The following NXNL1 variants were observed in gnomAD, a reference collection of about 807,000 sequenced individuals.
The protein encoded by NXNL1 is nucleoredoxin like 1, also known as nucleoredoxin-like protein 1.
NXNL1 carries 6 observed loss-of-function variants against 7.2 expected under a neutral mutation model. The observed-to-expected ratio is 0.83, with a 90% confidence interval of 0.46 to 1.64. The LOEUF is 1.64. Among genes scored for constraint, NXNL1 ranks in the 40% most tolerant of loss-of-function variants. The probability of loss-of-function intolerance (pLI) is 0.01; values close to 1 mark genes in which losing one functional copy is unlikely to be tolerated. For synonymous variants in NXNL1, 133 were observed against 127.2 expected (o/e 1.05, Z -0.31); for missense variants, 308 against 285.1 (o/e 1.08, Z -0.58).
At position 17,455,963 on chromosome 19, in the gene NXNL1, C is replaced by T. The variant is rs770348815; in HGVS notation, c.327-4G>A. On this transcript the variant is annotated splice_polypyrimidine_tract_variant and splice_region_variant and intron_variant, in intron 1 of 1. Coordinates refer to ENST00000301944, the MANE Select transcript of NXNL1 (RefSeq NM_138454.2). ...TGAGAACTGGCGCCCGAGGTCCCTG[C>T]GGAGCGGGCAGGTCAGTCTGGACGG... 21 of 1,597,430 alleles carry T rather than the reference C, an allele frequency of 1.3e-5. 1 individual carries two copies. The highest frequency in any genetic ancestry group is 1.6e-4 in the Middle Eastern group (1 of 6,078).
intron 1 of NXNL1, among the ~76,000 whole-genome samples, chr19:17,459,540 CG>C (rs763244344): frequency 3.3e-5 from 5 of 152,014 alleles, no homozygotes; most frequent in Non-Finnish European, 7.4e-5. Context: ...GCCTCAGCCT[CG>C]CAAGTAGCTG....
Position 17,455,667 on chromosome 19 carries a change from C to CCCCCCCCCCCCCCCCCCCCCCCCCCCCGG in NXNL1, c.618_619insCCGGGGGGGGGGGGGGGGGGGGGGGGGGG (p.Gly207ProfsTer67). Reference sequence around the variant, plus strand: ...GCGGGTCAGAACAGCCCCCCGGCCCCGCCCTCCTCCCCACCCCCTCCCCCG... The same window carrying CCCCCCCCCCCCCCCCCCCCCCCCCCCCGG: ...GCGGGTCAGAACAGCCCCCCGGCCCCCCCCCCCCCCCCCCCCCCCCCCCCCCCGGGCCCTCCTCCCCACCCCCTCCCCCG... On this transcript the variant is annotated frameshift_variant, in exon 2 of 2. Coordinates refer to ENST00000301944, the MANE Select transcript of NXNL1 (RefSeq NM_138454.2). LOFTEE classifies it high-confidence loss of function. The CCCCCCCCCCCCCCCCCCCCCCCCCCCCGG allele has an allele frequency of 6.3e-6, 5 of 787,788 alleles. No homozygotes were observed. Among genetic ancestry groups the CCCCCCCCCCCCCCCCCCCCCCCCCCCCGG allele is most frequent in the Non-Finnish European group, 8.4e-6 (4 of 478,544 alleles). 48.8% of individuals were successfully genotyped at this position (787,788 alleles called of 1,614,324 possible).
chr19:17,455,829 G>A lies in NXNL1; in HGVS notation c.457C>T (p.Gln153Ter). 1.9e-6 allele frequency: 3 copies of A among 1,583,858 alleles called. No homozygotes were observed. Among genetic ancestry groups the A allele is most frequent in the Non-Finnish European group, 1.7e-6 (2 of 1,171,092 alleles). ...CGGTCCAGCACCTCGGCCGCCTCCT[G>A]CCAGTTGGCGAAGCAGGCGGTGCCC... The part of the protein sequence containing the change: ...RLGTACFANW[Q>*]EAAEVLDRNF... The change falls in exon 2 of 2, where the codon CAG (glutamine) becomes TAG (stop). Residue 153 changes from glutamine (Q) to a stop codon, truncating the protein, a stop_gained. Transcript: ENST00000301944. LOFTEE classifies it low-confidence loss of function (END_TRUNC).
In NXNL1 at chr19:17,455,899, G is replaced by A. The variant is rs763119735; in HGVS notation, c.387C>T (p.Asp129=). 3 of 1,594,508 alleles carry A rather than the reference G, an allele frequency of 1.9e-6. No individual in the cohort carries two copies. Among genetic ancestry groups the A allele is most frequent in the African/African-American group, 1.3e-5 (1 of 74,966 alleles). Residue 129 remains aspartate, a synonymous_variant, in exon 2 of 2, where the codon GAC becomes GAT. Coordinates refer to ENST00000301944, the MANE Select transcript of NXNL1 (RefSeq NM_138454.2). ...RLPAVVVLKP[D]GDVLTRDGAD... Reference sequence around the variant, plus strand: ...CGCCGTCGCGAGTGAGCACGTCCCCGTCCGGCTTGAGCACCACGACCGCCG... The same window carrying A: ...CGCCGTCGCGAGTGAGCACGTCCCCATCCGGCTTGAGCACCACGACCGCCG...
intron 1 of NXNL1, among the ~76,000 whole-genome samples, chr19:17,458,727 G>A (rs1384877081): frequency 1.3e-5 from 2 of 148,492 alleles, no homozygotes; most frequent in Non-Finnish European, 3.0e-5. Context: ...TCAGCCTCCT[G>A]AGTAGCTGGG....
chr19:17,457,306 A>G (rs2074996882), intron 1 of NXNL1, among the ~76,000 whole-genome samples: 1 of 152,172 alleles, frequency 6.6e-6, no homozygotes, highest in African/African-American at 2.4e-5. Flanking sequence ...TAGTGTAAGT[A>G]TAGCCAAATG....
At chr19:17,460,421 C>A (rs1443077050) in intron 1 of NXNL1, 123 bp downstream of exon 1, 5 of 1,053,376 alleles carry the variant, frequency 4.7e-6, no homozygotes, top group Non-Finnish European at 5.4e-6. Context: ...CCTGTCTGTA[C>A]CCCCTAGTTC....
At chr19:17,456,619 T>C (rs12459085) in intron 1 of NXNL1, among the ~76,000 whole-genome samples, 75,075 of 151,850 alleles carry the variant, frequency 0.49, 19,277 homozygotes, top group Non-Finnish European at 0.57. Context: ...TGGTGGCTCA[T>C]GCCTGTAATC....
In NXNL1 at chr19:17,455,687, C is replaced by A; in HGVS notation, c.599G>T (p.Gly200Val). ...KAARGGRDPG[G>V]GGGEEGGAGG... ...GGCCCCGCCCTCCTCCCCACCCCCT[C>A]CCCCGGGGTCGCGCCCGCCTCGCGC... Residue 200 changes from glycine (G) to valine (V), a missense_variant, in exon 2 of 2, where the codon GGA (glycine) becomes GTA (valine). Transcript: ENST00000301944. The A allele has an allele frequency of 1.1e-5, 16 of 1,517,364 alleles. No individual in the cohort carries two copies. The highest frequency in any genetic ancestry group is 1.4e-5 in the Non-Finnish European group (16 of 1,132,222). The allele number at this position is 1,517,364 out of a possible 1,614,324, so 94.0% of individuals were successfully genotyped here. A position where few individuals can be genotyped will look rare whatever the true frequency, so the allele number is the denominator to read the frequency against.
chr19:17,460,583 T>C lies in NXNL1; in HGVS notation c.287A>G (p.Lys96Arg). 1.9e-6 allele frequency: 3 copies of C among 1,604,876 alleles called. No homozygotes were observed. In the South Asian group the frequency reaches 3.3e-5, roughly 18 times the overall value. The change falls in exon 1 of 2, where the codon AAG becomes AGG. Residue 96 changes from lysine to arginine, a missense_variant. Lys to Arg is a conservative substitution (Grantham distance 26, BLOSUM62 2). Transcript: ENST00000301944. ...QQDLFLKDMP[K>R]KWLFLPFEDD... ...CTCAAAGGGCAGGAAAAGCCATTTC[T>C]TTGGCATGTCCTTGAGGAACAGGTC...
Position 17,455,584 on chromosome 19 carries a change from C to A in NXNL1, c.*63G>T. ...CCCAAGTGCTGGGATTACAGGCGTGCGGGGGTGGGGTGGGGGTGGAGGTTC... is the reference window on the plus strand; with the variant it reads ...CCCAAGTGCTGGGATTACAGGCGTGAGGGGGTGGGGTGGGGGTGGAGGTTC... On this transcript the variant is annotated 3_prime_UTR_variant, in exon 2 of 2. Transcript: ENST00000301944. 2 of 1,010,716 alleles carry A rather than the reference C, an allele frequency of 2.0e-6. No homozygotes were observed. The highest frequency in any genetic ancestry group is 2.9e-6 in the Non-Finnish European group (2 of 696,316). 62.6% of individuals were successfully genotyped at this position (1,010,716 alleles called of 1,614,324 possible). A position where few individuals can be genotyped will look rare whatever the true frequency, so the allele number is the denominator to read the frequency against.
At chr19:17,459,774 C>T (rs562577769) in intron 1 of NXNL1, among the ~76,000 whole-genome samples, 1 of 152,164 alleles carries the variant, frequency 6.6e-6, no homozygotes, top group East Asian at 1.9e-4. Flanking sequence ...TGCAGTGGTG[C>T]GATCATAGCT....
intron 1 of NXNL1, among the ~76,000 whole-genome samples, chr19:17,457,691 G>A (rs1338685938): frequency 6.6e-6 from 1 of 152,174 alleles, no homozygotes. Flanking sequence ...CATTTAACTG[G>A]ACATCCCGTC....
Position 17,460,863 on chromosome 19 carries a change from A to C in NXNL1, c.7T>G (p.Ser3Ala). Reference sequence around the variant, plus strand: ...ATCAGGATGCGGCCAGAGAACAGGGAGGCCATGGTAACCTGGGTTGGGTGC... The same window carrying C: ...ATCAGGATGCGGCCAGAGAACAGGGCGGCCATGGTAACCTGGGTTGGGTGC... MA[S>A]LFSGRILIRN... Residue 3 changes from serine (S) to alanine (A), a missense_variant, in exon 1 of 2, where the codon TCC becomes GCC. Ser to Ala is a moderately conservative substitution (Grantham distance 99). Coordinates refer to ENST00000301944, the MANE Select transcript of NXNL1 (RefSeq NM_138454.2). The C allele has an allele frequency of 6.2e-7, 1 of 1,613,070 alleles. No homozygotes were observed. The highest frequency in any genetic ancestry group is 8.5e-7 in the Non-Finnish European group (1 of 1,180,008).
intron 1 of NXNL1, among the ~76,000 whole-genome samples, chr19:17,459,498 A>G (rs897354401): frequency 1.3e-5 from 2 of 149,046 alleles, no homozygotes; most frequent in African/African-American, 5.0e-5. Flanking sequence ...GATCACTGCA[A>G]CTTTCGCCTC....
Position 17,455,768 on chromosome 19 carries a change from T to C in NXNL1, c.518A>G (p.Glu173Gly). Residue 173 changes from glutamate to glycine, a missense_variant, in exon 2 of 2, where the codon GAG becomes GGG. By Grantham distance (98) the Glu-to-Gly change is moderately conservative. Coordinates refer to ENST00000301944, the MANE Select transcript of NXNL1 (RefSeq NM_138454.2). Reference sequence around the variant, plus strand: ...CAGGCACTCGGTGAGGCTCCGTGGCTCCTGGTCCTCCAGGTCCTCTGGCAG... The same window carrying C: ...CAGGCACTCGGTGAGGCTCCGTGGCCCCTGGTCCTCCAGGTCCTCTGGCAG... Reference protein sequence around the residue: ...FQLPEDLEDQEPRSLTECLRR... With the variant: ...FQLPEDLEDQGPRSLTECLRR... The C allele has an allele frequency of 6.8e-7, 1 of 1,475,602 alleles. No individual in the cohort carries two copies. Among genetic ancestry groups the C allele is most frequent in the Non-Finnish European group, 9.0e-7 (1 of 1,107,510 alleles). The allele number at this position is 1,475,602 out of a possible 1,614,324, so 91.4% of individuals were successfully genotyped here. A position where few individuals can be genotyped will look rare whatever the true frequency, so the allele number is the denominator to read the frequency against.
chr19:17,455,916 C>T lies in NXNL1; in HGVS notation c.370G>A (p.Val124Met), dbSNP rs1275754219. ...ACGTCCCCGTCCGGCTTGAGCACCA[C>T]GACCGCCGGCAGGCGCTCCACTGAG... ...QFSVERLPAV[V>M]VLKPDGDVLT... The change falls in exon 2 of 2, where the codon GTG becomes ATG. Residue 124 changes from valine (V) to methionine (M), a missense_variant. Transcript: ENST00000301944. The T allele has an allele frequency of 9.4e-6, 15 of 1,595,622 alleles. No individual in the cohort carries two copies. The highest frequency in any genetic ancestry group is 1.3e-5 in the Non-Finnish European group (15 of 1,178,380).
chr19:17,456,666 G>C (rs2074994554), intron 1 of NXNL1, among the ~76,000 whole-genome samples: 1 of 152,038 alleles, frequency 6.6e-6, no homozygotes, highest in Non-Finnish European at 1.5e-5. Context: ...CGGATCACCG[G>C]AGGCCAGGAG....
intron 1 of NXNL1, among the ~76,000 whole-genome samples, chr19:17,458,479 A>T (rs2075001246): frequency 6.6e-6 from 1 of 151,118 alleles, no homozygotes; most frequent in South Asian, 2.1e-4. Context: ...AAGTGCTAGG[A>T]TTACAAGCGT....
Sources: allele counts gnomAD v4.1 joint callset (sites outside exome capture counted in the v4.1 genomes callset), GRCh38; gene constraint gnomAD v4.1.1; transcripts MANE v1.5; gene names NCBI Gene and HGNC (gene_info 2026-07-23, HGNC 2026-07-21).